Variants in ME1 observed in about 807,000 individuals in gnomAD.
ME1 encodes the protein malic enzyme 1, also known as NADP-dependent malic enzyme.
Under a neutral mutation model 66.4 loss-of-function variants are expected in ME1, and 74 were observed. That is an observed-to-expected ratio of 1.11 (90% CI 0.92 to 1.35). The LOEUF is 1.35. Ranked by LOEUF, ME1 falls within the 40% of genes most tolerant of loss-of-function variation. ME1 has a pLI of 0.00. For synonymous variants in ME1, 251 were observed against 235.6 expected (o/e 1.07, Z -0.60); for missense variants, 750 against 694.1 (o/e 1.08, Z -0.90).
chr6:83,380,547 A>G (rs1049313318), intron 3 of ME1, among the ~76,000 whole-genome samples: 1 of 152,132 alleles, frequency 6.6e-6, no homozygotes, highest in African/African-American at 2.4e-5. Context: ...TCAATAGATA[A>G]TTAAGGGATA....
At chr6:83,365,641 C>T (rs1339521125) in intron 3 of ME1, among the ~76,000 whole-genome samples, 2 of 152,216 alleles carry the variant, frequency 1.3e-5, no homozygotes, top group African/African-American at 4.8e-5. Context: ...GGGAGGATCA[C>T]TTGAGGCCAG....
At chr6:83,289,547 G>A (rs1378410820) in intron 6 of ME1, among the ~76,000 whole-genome samples, 1 of 151,634 alleles carries the variant, frequency 6.6e-6, no homozygotes, top group Non-Finnish European at 1.5e-5. Context: ...GTATTGTATT[G>A]AGGATTTTCA....
At chr6:83,237,276 A>AAAGAAAGAAAGAAAGGAAGG (rs754296141) in intron 9 of ME1, among the ~76,000 whole-genome samples, 7 of 73,640 alleles carry the variant, frequency 9.5e-5, no homozygotes, top group African/African-American at 3.6e-4. Flanking sequence ...AGAAAGAAAG[A>AAAGAAAGAAAGAAAGGAAGG]AAGGAAGGAA....
intron 13 of ME1, among the ~76,000 whole-genome samples, chr6:83,212,967 C>G (rs1001490110): frequency 6.6e-6 from 1 of 152,018 alleles, no homozygotes; most frequent in Non-Finnish European, 1.5e-5. Flanking sequence ...TTCTCTTTCC[C>G]TACTTTCTTT....
At position 83,253,629 on chromosome 6, in the gene ME1, C is replaced by A; in HGVS notation, c.814G>T (p.Gly272Ter). 1 of 1,564,092 alleles carries A rather than the reference C, an allele frequency of 6.4e-7. No homozygotes were observed. Among genetic ancestry groups the A allele is most frequent in the Non-Finnish European group, 8.8e-7 (1 of 1,137,306 alleles). Reference sequence around the variant, plus strand: ...CCATATGCAGTGAAAATTTTGTTACCTTGAATATCATCATTGAATGTGCAA... The same window carrying A: ...CCATATGCAGTGAAAATTTTGTTACATTGAATATCATCATTGAATGTGCAA... Reference protein sequence around the residue: ...QYCTFNDDIQGTASVAVAGLL... With the variant: ...QYCTFNDDIQ The change falls in exon 7 of 14, where the codon GGA (glycine) becomes TGA (stop). Residue 272 changes from glycine to a stop codon, truncating the protein, a stop_gained and splice_region_variant. Transcript: ENST00000369705. LOFTEE classifies it high-confidence loss of function.
At chr6:83,319,516 T>C (rs1236955883) in intron 5 of ME1, among the ~76,000 whole-genome samples, 1 of 152,064 alleles carries the variant, frequency 6.6e-6, no homozygotes, top group Admixed American at 6.6e-5. Context: ...GGCACTATCT[T>C]GGATTATTAA....
rs1583432714 is a variant in ME1, at chr6:83,430,947, G to C, written c.8C>G (p.Pro3Arg). Residue 3 changes from proline to arginine, a missense_variant, in exon 1 of 14, where the codon CCC becomes CGC. Coordinates refer to ENST00000369705, the MANE Select transcript of ME1 (RefSeq NM_002395.6). Reference protein sequence around the residue: MEPEAPRRRHTHQ... With the variant: MEREAPRRRHTHQ... ...GGTGTGGCGGCGACGGGGGGCTTCG[G>C]GCTCCATGGCTGGCGCCGGGTTCGG... The C allele has an allele frequency of 6.4e-7, 1 of 1,573,304 alleles. No homozygotes were observed.
At chr6:83,430,353 G>A (rs536306811) in intron 1 of ME1, among the ~76,000 whole-genome samples, 3 of 152,282 alleles carry the variant, frequency 2.0e-5, no homozygotes, top group Non-Finnish European at 4.4e-5. Flanking sequence ...GAAACCGAGA[G>A]GACTTGGATT....
intron 3 of ME1, among the ~76,000 whole-genome samples, chr6:83,360,680 G>A (rs1768992317): frequency 6.6e-6 from 1 of 152,186 alleles, no homozygotes; most frequent in Non-Finnish European, 1.5e-5. Context: ...AGAGATTAGT[G>A]CCACCATCAA....
chr6:83,263,051 T>C (rs985870753), intron 6 of ME1, among the ~76,000 whole-genome samples: 2 of 152,230 alleles, frequency 1.3e-5, no homozygotes, highest in African/African-American at 4.8e-5. Context: ...TCACTTTGTG[T>C]CTCTGTCACA....
intron 7 of ME1, among the ~76,000 whole-genome samples, chr6:83,247,256 G>A (rs1790641004): frequency 6.6e-6 from 1 of 151,920 alleles, no homozygotes; most frequent in Admixed American, 6.6e-5. Context: ...AATGACTAGA[G>A]GTTGAAACCT....
intron 1 of ME1, among the ~76,000 whole-genome samples, chr6:83,413,337 G>A (rs932174121): frequency 3.3e-5 from 5 of 152,078 alleles, no homozygotes; most frequent in Non-Finnish European, 5.9e-5. Context: ...ACAGTGGCTC[G>A]CACATCCAGC....
chr6:83,382,269 T>C (rs909148150), intron 3 of ME1, among the ~76,000 whole-genome samples: 1 of 152,136 alleles, frequency 6.6e-6, no homozygotes, highest in Non-Finnish European at 1.5e-5. Flanking sequence ...TTTATTTACC[T>C]ATTCTCAATG....
chr6:83,294,600 CA>C (rs1767560959), intron 6 of ME1, among the ~76,000 whole-genome samples: 1 of 152,160 alleles, frequency 6.6e-6, no homozygotes, highest in African/African-American at 2.4e-5. Flanking sequence ...GTGGAGAACC[CA>C]GGGGCAACCA....
chr6:83,320,451 G>T (rs1484631121), intron 5 of ME1, among the ~76,000 whole-genome samples: 1 of 152,206 alleles, frequency 6.6e-6, no homozygotes, highest in Non-Finnish European at 1.5e-5. Flanking sequence ...CTAGCTGAAA[G>T]TTAACAAGTT....
At chr6:83,325,781 C>A (rs180686208) in intron 5 of ME1, among the ~76,000 whole-genome samples, 1 of 152,108 alleles carries the variant, frequency 6.6e-6, no homozygotes, top group Admixed American at 6.5e-5. Context: ...ATGAAACTGA[C>A]CATAGGGCCC....
chr6:83,230,430 C>T (rs1450066355), intron 9 of ME1, among the ~76,000 whole-genome samples: 8 of 152,100 alleles, frequency 5.3e-5, no homozygotes, highest in Admixed American at 4.6e-4. Flanking sequence ...GTGCTTGTCT[C>T]CTCATCTGTA....
chr6:83,316,564 C>T (rs1459499596), intron 5 of ME1, among the ~76,000 whole-genome samples: 1 of 151,604 alleles, frequency 6.6e-6, no homozygotes, highest in Non-Finnish European at 1.5e-5. Context: ...ATACTGGAGA[C>T]CCTAGCTATT....
intron 6 of ME1, among the ~76,000 whole-genome samples, chr6:83,290,380 T>C (rs1228162209): frequency 1.3e-5 from 2 of 152,206 alleles, no homozygotes; most frequent in African/African-American, 4.8e-5. Context: ...TTCATTTCAT[T>C]ATTTACCCAG....
Sources: gnomAD v4.1 joint callset for allele counts (sites outside exome capture counted in the v4.1 genomes callset) on GRCh38, gnomAD v4.1.1 for gene constraint, MANE v1.5 for transcripts, NCBI Gene and HGNC (gene_info 2026-07-23, HGNC 2026-07-21) for gene names.